The following TMEM201 variants were observed in gnomAD, a reference collection of about 807,000 sequenced individuals.
The protein encoded by TMEM201 is RP13-15M17.2.
TMEM201 carries 26 observed loss-of-function variants against 63.4 expected under a neutral mutation model. The ratio of observed to expected loss-of-function variants is 0.41; its 90% CI spans 0.30 to 0.57. The LOEUF is 0.57. Ranked by LOEUF, TMEM201 falls within the 20% of genes least tolerant of loss-of-function variation. The probability of loss-of-function intolerance (pLI) is 0.29; values close to 1 mark genes in which losing one functional copy is unlikely to be tolerated. For synonymous variants in TMEM201, 417 were observed against 421.6 expected (o/e 0.99, Z 0.14); for missense variants, 794 against 917.7 (o/e 0.87, Z 1.74).
In TMEM201 at chr1:9,602,166, C is replaced by T; in HGVS notation, c.1054C>T (p.Leu352=). ...CCTGCAGGCCGCCTCGCCTAGCTGG[C>T]TAGACACGCTCAAGTTCAGCACCAC... ...QHLQAASPSW[L]DTLKFSTTSL... is the part of the protein sequence containing the mutation. Residue 352 remains leucine (L), a synonymous_variant, in exon 6 of 11, where the codon CTA becomes TTA. Coordinates refer to ENST00000340381, the MANE Select transcript of TMEM201 (RefSeq NM_001130924.3). 1 of 1,613,230 alleles carries T rather than the reference C, an allele frequency of 6.2e-7. No individual in the cohort carries two copies. The highest frequency in any genetic ancestry group is 8.5e-7 in the Non-Finnish European group (1 of 1,180,032).
chr1:9,600,459 A>G (rs1036159902), intron 4 of TMEM201, among the ~76,000 whole-genome samples: 2 of 152,148 alleles, frequency 1.3e-5, no homozygotes, highest in Non-Finnish European at 2.9e-5. Flanking sequence ...AAGTGCTGAG[A>G]AACAGGAGGG....
intron 1 of TMEM201, among the ~76,000 whole-genome samples, chr1:9,592,022 C>G (rs998869164): frequency 1.2e-4 from 18 of 152,340 alleles, no homozygotes; most frequent in Non-Finnish European, 1.6e-4. Flanking sequence ...GCTTGCTTAA[C>G]TGATGGGATG....
rs995666992 is a variant in TMEM201 at position 9,603,172 on chromosome 1, C to T, written c.1160+900C>T. On this transcript the variant is annotated intron_variant, in intron 6 of 10. Transcript: ENST00000340381. The surrounding 1 kb of genome is among the most constrained non-coding windows in gnomAD (Gnocchi z 4.5). ...CAGGTGCCTGCTCACCATGGCCCAG[C>T]GCCACTCTGTCCTCCGACTCAGGTG... 1.2e-5 allele frequency: 12 copies of T among 985,508 alleles called. No individual in the cohort carries two copies. Among genetic ancestry groups the T allele is most frequent in the Admixed American group, 6.1e-5 (1 of 16,268 alleles). The allele number at this position is 985,508 out of a possible 1,614,324, so 61.0% of individuals were successfully genotyped here. A position where few individuals can be genotyped will look rare whatever the true frequency, so the allele number is the denominator to read the frequency against.
intron 1 of TMEM201, 87 bp downstream of exon 1, chr1:9,589,130 C>T (rs1489718069): frequency 3.4e-6 from 2 of 588,226 alleles, no homozygotes; most frequent in Admixed American, 6.5e-5. Flanking sequence ...CCCCCCTCGG[C>T]CGGGACCCGG....
At position 9,605,099 on chromosome 1, in the gene TMEM201, C is replaced by T. The variant is rs947073885; in HGVS notation, c.1161-2458C>T. On this transcript the variant is annotated intron_variant, in intron 6 of 10. Coordinates refer to ENST00000340381, the MANE Select transcript of TMEM201 (RefSeq NM_001130924.3). The surrounding 1 kb of genome is among the most constrained non-coding windows in gnomAD (Gnocchi z 5.7). ...CCAGTGACAATGACACCAGCTGGCT[C>T]GGGGCCCGGCTCGCCTCCTCGCCTT... is the stretch of plus-strand genomic sequence containing the variant. The T allele has an allele frequency of 3.8e-5, 31 of 820,528 alleles. No homozygotes were observed. The highest frequency in any genetic ancestry group is 2.5e-4 in the Admixed American group (4 of 16,072). The allele number at this position is 820,528 out of a possible 1,614,324, so 50.8% of individuals were successfully genotyped here. A position where few individuals can be genotyped will look rare whatever the true frequency, so the allele number is the denominator to read the frequency against.
chr1:9,600,532 C>T (rs1644118209), intron 4 of TMEM201, among the ~76,000 whole-genome samples: 1 of 152,178 alleles, frequency 6.6e-6, no homozygotes, highest in Non-Finnish European at 1.5e-5. Flanking sequence ...CAGTCACTCT[C>T]CCGGGACACC....
intron 2 of TMEM201, 30 bp downstream of exon 2, chr1:9,596,040 G>T (rs960687383): frequency 6.2e-7 from 1 of 1,606,212 alleles, no homozygotes; most frequent in Admixed American, 1.7e-5. Context: ...GGACGGGTGG[G>T]CACGCGGGGG....
In TMEM201 at chr1:9,588,969, G is replaced by A; in HGVS notation, c.39G>A (p.Thr13=). Residue 13 remains threonine, a synonymous_variant, in exon 1 of 11, where the codon ACG becomes ACA. Coordinates refer to ENST00000340381, the MANE Select transcript of TMEM201 (RefSeq NM_001130924.3). ...GCGCGCTGCTGGCCCGCTGCCCCAC[G>A]GCCGGCCTGGCCGGCGGCCTGGGGG... The part of the protein sequence containing the change: ...GVSALLARCP[T]AGLAGGLGVT... 8.0e-7 allele frequency: 1 copy of A among 1,246,062 alleles called. No individual in the cohort carries two copies. Among genetic ancestry groups the A allele is most frequent in the Non-Finnish European group, 1.0e-6 (1 of 978,882 alleles). The allele number at this position is 1,246,062 out of a possible 1,614,324, so 77.2% of individuals were successfully genotyped here.
intron 9 of TMEM201, chr1:9,611,041 G>A: frequency 6.6e-7 from 1 of 1,525,696 alleles, no homozygotes; most frequent in Non-Finnish European, 8.8e-7. Context: ...TCTGTTTCTT[G>A]GAACTGATCG....
rs1644353102 is a variant in TMEM201 at position 9,613,521 on chromosome 1, G to C, written c.*438G>C. 1 of 170,888 alleles carries C rather than the reference G, an allele frequency of 5.9e-6. No homozygotes were observed. The highest frequency in any genetic ancestry group is 1.6e-4 in the South Asian group (1 of 6,118). The allele number at this position is 170,888 out of a possible 1,614,324, so 10.6% of individuals were successfully genotyped here. Reference sequence around the variant, plus strand: ...GTACTGTACTCCCCTGTCTCACCTGGGGCAACCTCAGAGCCCCACTAAGCT... The same window carrying C: ...GTACTGTACTCCCCTGTCTCACCTGCGGCAACCTCAGAGCCCCACTAAGCT... On this transcript the variant is annotated 3_prime_UTR_variant, in exon 11 of 11. Transcript: ENST00000340381.
chr1:9,604,048 C>T lies in TMEM201; in HGVS notation c.1160+1776C>T, dbSNP rs542331764. On this transcript the variant is annotated intron_variant, in intron 6 of 10. Transcript: ENST00000340381. This position sits in a 1 kb window ranked among gnomAD's most constrained non-coding sequence, Gnocchi z 4.1. ...CCTGCCTGTGCACTCACGCCACCCCCCAGCCCACAAAGAGCCCATCTGAGA... is the reference window on the plus strand; with the variant it reads ...CCTGCCTGTGCACTCACGCCACCCCTCAGCCCACAAAGAGCCCATCTGAGA... 4.1e-6 allele frequency: 4 copies of T among 985,478 alleles called. No individual in the cohort carries two copies. Among genetic ancestry groups the T allele is most frequent in the African/African-American group, 3.5e-5 (2 of 57,372 alleles). 61.0% of individuals were successfully genotyped at this position (985,478 alleles called of 1,614,324 possible).
intron 2 of TMEM201, among the ~76,000 whole-genome samples, chr1:9,596,351 AC>A (rs1569919228): frequency 6.6e-6 from 1 of 152,102 alleles, no homozygotes; most frequent in African/African-American, 2.4e-5. Flanking sequence ...GGGCTAGCAA[AC>A]CTTTTCTGCA....
Position 9,605,024 on chromosome 1 carries a change from G to A in TMEM201, c.1161-2533G>A, listed in dbSNP as rs775642342. 1.9e-5 allele frequency: 19 copies of A among 985,604 alleles called. No homozygotes were observed. In the East Asian group the frequency reaches 1.6e-3, roughly 82 times the overall value. 61.1% of individuals were successfully genotyped at this position (985,604 alleles called of 1,614,324 possible). A position where few individuals can be genotyped will look rare whatever the true frequency, so the allele number is the denominator to read the frequency against. The stretch of plus-strand genomic sequence containing the variant: ...AGGGCTCTGTGCCAGGGCTGGGGTG[G>A]GCAGCTGTGTTTGGGGTACAGACAC... On this transcript the variant is annotated intron_variant, in intron 6 of 10. Coordinates refer to ENST00000340381, the MANE Select transcript of TMEM201 (RefSeq NM_001130924.3). This position sits in a 1 kb window ranked among gnomAD's most constrained non-coding sequence, Gnocchi z 5.7.
intron 1 of TMEM201, among the ~76,000 whole-genome samples, chr1:9,590,579 G>C (rs1434857709): frequency 2.6e-5 from 4 of 152,188 alleles, no homozygotes; most frequent in Non-Finnish European, 2.9e-5. Context: ...CCATCTCCTG[G>C]AAACAAGAGT....
At position 9,605,937 on chromosome 1, in the gene TMEM201, C is replaced by A. The variant is rs982481887; in HGVS notation, c.1161-1620C>A. 3.9e-5 allele frequency among the ~76,000 whole-genome samples: 6 copies of A among 152,214 alleles called. No individual in the cohort carries two copies. The highest frequency in any genetic ancestry group is 1.2e-4 in the African/African-American group (5 of 41,446). On this transcript the variant is annotated intron_variant, in intron 6 of 10. Coordinates refer to ENST00000340381, the MANE Select transcript of TMEM201 (RefSeq NM_001130924.3). The surrounding 1 kb of genome is among the most constrained non-coding windows in gnomAD (Gnocchi z 5.7). Reference sequence around the variant, plus strand: ...ACGGTACTCTCAGGTCACTGGGGGACCTGGTCACCCTTGGCTGACTCTTGG... The same window carrying A: ...ACGGTACTCTCAGGTCACTGGGGGAACTGGTCACCCTTGGCTGACTCTTGG...
chr1:9,601,955 C>G, intron 5 of TMEM201, 114 bp from the exon 6 acceptor site: 2 of 1,292,214 alleles, frequency 1.5e-6, no homozygotes, highest in Non-Finnish European at 2.1e-6. Context: ...ACACTGTCCC[C>G]TGGCTCTGGA....
At chr1:9,595,625 C>T (rs1262298079) in intron 1 of TMEM201, among the ~76,000 whole-genome samples, 1 of 152,124 alleles carries the variant, frequency 6.6e-6, no homozygotes, top group Non-Finnish European at 1.5e-5. Flanking sequence ...TGGCCTCCTC[C>T]CCTTGAAGAC....
In TMEM201 at chr1:9,598,449, G is replaced by T. The variant is rs1644067205; in HGVS notation, c.430G>T (p.Gly144Cys). The T allele has an allele frequency of 3.7e-6, 6 of 1,612,408 alleles. No homozygotes were observed. The highest frequency in any genetic ancestry group is 5.1e-6 in the Non-Finnish European group (6 of 1,178,774). ...QLAAFAPREE[G>C]RYDEEVEVYR... ...CGAGCCTGTTCCCCCAACCCCACAG[G>T]GCAGGTATGACGAGGAGGTCGAGGT... The change falls in exon 4 of 11, where the codon GGC (glycine) becomes TGC (cysteine). Residue 144 changes from glycine to cysteine, a missense_variant and splice_region_variant. Physicochemically the swap from Gly to Cys is radical, Grantham distance 159. Transcript: ENST00000340381.
Position 9,612,993 on chromosome 1 carries a change from C to G in TMEM201, c.1911C>G (p.Phe637Leu), listed in dbSNP as rs1392948068. ...CAGGTCTCTGCTTTGCAGGTCGTTT[C>G]GGCCCTTCCCTGGTCCGGGGCCTCC... ...SEEAATWRGR[F>L]GPSLVRGLLA... The change falls in exon 11 of 11, where the codon TTC becomes TTG. Residue 637 changes from phenylalanine (F) to leucine (L), a missense_variant. Transcript: ENST00000340381. 1 of 1,551,600 alleles carries G rather than the reference C, an allele frequency of 6.4e-7. No individual in the cohort carries two copies. The highest frequency in any genetic ancestry group is 1.4e-5 in the African/African-American group (1 of 73,194).
Sources: gnomAD v4.1 joint callset for allele counts (sites outside exome capture counted in the v4.1 genomes callset) on GRCh38, gnomAD v4.1.1 for gene constraint, Gnocchi (gnomAD v3.1) non-coding constraint, MANE v1.5 for transcripts, NCBI Gene and HGNC (gene_info 2026-07-23, HGNC 2026-07-21) for gene names.